The following CMTM3 variants were observed in gnomAD, a reference collection of about 807,000 sequenced individuals.
The protein encoded by CMTM3 is CKLF-like MARVEL transmembrane domain-containing protein 3.
Under a neutral mutation model 18.2 loss-of-function variants are expected in CMTM3, and 7 were observed. The ratio of observed to expected loss-of-function variants is 0.38; its 90% CI spans 0.22 to 0.72. The LOEUF is 0.72. CMTM3 is among the 30% of genes least tolerant of loss of function. The pLI is 0.46. For synonymous variants in CMTM3, 109 were observed against 111.2 expected (o/e 0.98, Z 0.12); for missense variants, 227 against 249.2 (o/e 0.91, Z 0.60).
At position 66,605,813 on chromosome 16, in the gene CMTM3, T is replaced by C. The variant is rs2015129182; in HGVS notation, c.147+861T>C. 6.6e-6 allele frequency among the ~76,000 whole-genome samples: 1 copy of C among 152,162 alleles called. No homozygotes were observed. Among genetic ancestry groups the C allele is most frequent in the Non-Finnish European group, 1.5e-5 (1 of 68,024 alleles). ...GTGGGGGCAGGAGGAAGGGGGATTCTGCTCCGGGACCTCTCCCTGGTCACT... is the reference window on the plus strand; with the variant it reads ...GTGGGGGCAGGAGGAAGGGGGATTCCGCTCCGGGACCTCTCCCTGGTCACT... On this transcript the variant is annotated intron_variant, in intron 1 of 4. Transcript: ENST00000567572. The surrounding 1 kb of genome is among the most constrained non-coding windows in gnomAD (Gnocchi z 4.6).
rs559342374 is a variant in CMTM3 at position 66,607,930 on chromosome 16, G to A, written c.148-379G>A. On this transcript the variant is annotated intron_variant, in intron 1 of 4. Coordinates refer to ENST00000567572, the MANE Select transcript of CMTM3 (RefSeq NM_181553.4). ...CCTGATCACAGCTCACTGCAGCCTC[G>A]ACCTCCCCGGGCTCAGGTGATCCTC... 3.3e-5 allele frequency among the ~76,000 whole-genome samples: 5 copies of A among 151,612 alleles called. No homozygotes were observed. In the East Asian group the frequency reaches 7.8e-4, roughly 24 times the overall value.
At chr16:66,604,596 C>A, upstream of CMTM3, 1 of 337,750 alleles carries the variant, frequency 3.0e-6, no homozygotes, top group Non-Finnish European at 5.0e-6. Flanking sequence ...GGGGGCGGGT[C>A]GGGCCCAGCA....
Position 66,609,746 on chromosome 16 carries a change from C to T in CMTM3, c.400-137C>T. The T allele has an allele frequency of 1.9e-6, 3 of 1,579,464 alleles. No homozygotes were observed. The highest frequency in any genetic ancestry group is 2.6e-6 in the Non-Finnish European group (3 of 1,162,988). On this transcript the variant is annotated intron_variant, in intron 3 of 4. Coordinates refer to ENST00000567572, the MANE Select transcript of CMTM3 (RefSeq NM_181553.4). This position sits in a 1 kb window ranked among gnomAD's most constrained non-coding sequence, Gnocchi z 4.4. ...AAGTTCACAGCTCATTTTCCCACTTCCGTTACTCACAGGGGTCTGTGCCTG... is the reference window on the plus strand; with the variant it reads ...AAGTTCACAGCTCATTTTCCCACTTTCGTTACTCACAGGGGTCTGTGCCTG...
intron 1 of CMTM3, among the ~76,000 whole-genome samples, chr16:66,607,964 G>A (rs896718914): frequency 6.6e-6 from 1 of 151,956 alleles, no homozygotes; most frequent in Non-Finnish European, 1.5e-5. Flanking sequence ...TCCCACCTCA[G>A]CCTCCCAAGT....
intron 1 of CMTM3, among the ~76,000 whole-genome samples, chr16:66,606,271 C>A (rs2015148956): frequency 6.6e-6 from 1 of 152,050 alleles, no homozygotes; most frequent in African/African-American, 2.4e-5. Flanking sequence ...GAGGAAGTGG[C>A]CCCAGAAATC....
chr16:66,604,684 G>A (rs978810189), upstream of CMTM3: 6 of 745,364 alleles, frequency 8.0e-6, no homozygotes, highest in African/African-American at 9.2e-5. Context: ...GGCGGCGGGG[G>A]ATGCGCCCCT....
In CMTM3 at chr16:66,613,059, C is replaced by T; in HGVS notation, c.*422C>T. On this transcript the variant is annotated 3_prime_UTR_variant, in exon 5 of 5. Coordinates refer to ENST00000567572, the MANE Select transcript of CMTM3 (RefSeq NM_181553.4). The stretch of plus-strand genomic sequence containing the variant: ...AGAAACCATGACAGGGCTGCCCCGC[C>T]AGGCCCCGGTGGGTTTGTCTGCACT... The T allele has an allele frequency of 1.4e-6, 1 of 703,052 alleles. No homozygotes were observed. The highest frequency in any genetic ancestry group is 1.5e-5 in the South Asian group (1 of 67,608). The allele number at this position is 703,052 out of a possible 1,614,324, so 43.6% of individuals were successfully genotyped here.
Position 66,604,889 on chromosome 16 carries a change from C to A in CMTM3, c.84C>A (p.Arg28=), listed in dbSNP as rs1230541157. ...CCGGCCCCGCGGTCCCCGGGCTCCG[C>A]GCCCTGCTGCCGGCGCGGGCTTTCC... ...SRPGPAVPGL[R]ALLPARAFLC... The change falls in exon 1 of 5, where the codon CGC becomes CGA. Residue 28 remains arginine, a synonymous_variant. Transcript: ENST00000567572. 7.0e-7 allele frequency: 1 copy of A among 1,437,788 alleles called. No homozygotes were observed. Among genetic ancestry groups the A allele is most frequent in the Non-Finnish European group, 9.1e-7 (1 of 1,100,498 alleles). 89.1% of individuals were successfully genotyped at this position (1,437,788 alleles called of 1,614,324 possible).
rs1285498287 is a variant in CMTM3 at position 66,605,024 on chromosome 16, C to T, written c.147+72C>T. On this transcript the variant is annotated intron_variant, in intron 1 of 4. Coordinates refer to ENST00000567572, the MANE Select transcript of CMTM3 (RefSeq NM_181553.4). The surrounding 1 kb of genome is among the most constrained non-coding windows in gnomAD (Gnocchi z 4.6). ...CCTTTCGGAGGAGGACGTCGGGGCG[C>T]GGGTGGGGTCCGGGGGCGGCCGCCG... 9 of 1,310,842 alleles carry T rather than the reference C, an allele frequency of 6.9e-6. No individual in the cohort carries two copies. In the East Asian group the frequency reaches 9.6e-5, roughly 14 times the overall value. 81.2% of individuals were successfully genotyped at this position (1,310,842 alleles called of 1,614,324 possible).
chr16:66,607,836 T>TG (rs369381876), intron 1 of CMTM3, among the ~76,000 whole-genome samples: 1 of 134,354 alleles, frequency 7.4e-6, no homozygotes, highest in Non-Finnish European at 1.6e-5. Flanking sequence ...CCATGCTGGG[T>TG]TTTTTTTTTT....
chr16:66,607,689 G>C (rs770739913), intron 1 of CMTM3, among the ~76,000 whole-genome samples: 119 of 152,218 alleles, frequency 7.8e-4, no homozygotes, highest in Non-Finnish European at 1.5e-3. Context: ...ATTTCCCTCC[G>C]CAGGGCACTG....
chr16:66,604,802 C>T lies in CMTM3; in HGVS notation c.-4C>T. The T allele has an allele frequency of 1.6e-6, 2 of 1,250,458 alleles. No homozygotes were observed. The highest frequency in any genetic ancestry group is 3.3e-5 in the South Asian group (1 of 29,992). The allele number at this position is 1,250,458 out of a possible 1,614,324, so 77.5% of individuals were successfully genotyped here. On this transcript the variant is annotated 5_prime_UTR_variant, in exon 1 of 5. Transcript: ENST00000567572. ...CGAGCCCCGGCCCTACCGCCGCCGCCGCCATGTGGCCCCCAGACCCCGACC... is the reference window on the plus strand; with the variant it reads ...CGAGCCCCGGCCCTACCGCCGCCGCTGCCATGTGGCCCCCAGACCCCGACC...
In CMTM3 at chr16:66,613,453, G is replaced by C; in HGVS notation, c.*816G>C. On this transcript the variant is annotated 3_prime_UTR_variant, in exon 5 of 5. Coordinates refer to ENST00000567572, the MANE Select transcript of CMTM3 (RefSeq NM_181553.4). ...GCAGGCAGGAGTTCCTGGACCCTCA[G>C]GACAGTGAACTTCCAGACCTCAGGG... is the stretch of plus-strand genomic sequence containing the variant. 6.3e-6 allele frequency: 2 copies of C among 316,850 alleles called. No homozygotes were observed. The highest frequency in any genetic ancestry group is 1.2e-4 in the South Asian group (2 of 16,386). 19.6% of individuals were successfully genotyped at this position (316,850 alleles called of 1,614,324 possible).
chr16:66,613,391 G>A lies in CMTM3; in HGVS notation c.*754G>A. 1 of 429,074 alleles carries A rather than the reference G, an allele frequency of 2.3e-6. No homozygotes were observed. The highest frequency in any genetic ancestry group is 4.2e-6 in the Non-Finnish European group (1 of 237,258). 26.6% of individuals were successfully genotyped at this position (429,074 alleles called of 1,614,324 possible). Reference sequence around the variant, plus strand: ...GACAGTGTCATGGGGAGCTGGGCGGGCCCAGCCAAACCCTCCTTCTTCCTA... The same window carrying A: ...GACAGTGTCATGGGGAGCTGGGCGGACCCAGCCAAACCCTCCTTCTTCCTA... On this transcript the variant is annotated 3_prime_UTR_variant, in exon 5 of 5. Coordinates refer to ENST00000567572, the MANE Select transcript of CMTM3 (RefSeq NM_181553.4).
rs1028575283 is a variant in CMTM3 at position 66,612,299 on chromosome 16, G to A, written c.521-310G>A. Among the ~76,000 whole-genome samples the A allele has an allele frequency of 3.3e-5, 5 of 152,094 alleles. No individual in the cohort carries two copies. Among genetic ancestry groups the A allele is most frequent in the African/African-American group, 7.2e-5 (3 of 41,430 alleles). ...CACACGCTTATAATCCCAGCTACTC[G>A]GGAGGGAGGAAGTTGCAGTGAGTCG... On this transcript the variant is annotated intron_variant, in intron 4 of 4. Transcript: ENST00000567572. The surrounding 1 kb of genome is among the most constrained non-coding windows in gnomAD (Gnocchi z 6.0).
rs754316298 is a variant in CMTM3, at chr16:66,608,681, G to A, written c.303+217G>A. On this transcript the variant is annotated intron_variant, in intron 2 of 4. Coordinates refer to ENST00000567572, the MANE Select transcript of CMTM3 (RefSeq NM_181553.4). This position sits in a 1 kb window ranked among gnomAD's most constrained non-coding sequence, Gnocchi z 5.1. Reference sequence around the variant, plus strand: ...GCTGTGGTGCCTCTAGAGCAGGTCTGTGAGGCAGGGAACCCGGAGAGGGGT... The same window carrying A: ...GCTGTGGTGCCTCTAGAGCAGGTCTATGAGGCAGGGAACCCGGAGAGGGGT... 6.6e-6 allele frequency among the ~76,000 whole-genome samples: 1 copy of A among 152,222 alleles called. No homozygotes were observed. Among genetic ancestry groups the A allele is most frequent in the African/African-American group, 2.4e-5 (1 of 41,456 alleles).
Position 66,612,649 on chromosome 16 carries a change from G to C in CMTM3, c.*12G>C. 1 of 1,613,790 alleles carries C rather than the reference G, an allele frequency of 6.2e-7. No homozygotes were observed. The highest frequency in any genetic ancestry group is 8.5e-7 in the Non-Finnish European group (1 of 1,179,870). Reference sequence around the variant, plus strand: ...CGGACTCTGACTGAAGGCCTGGCGGGTGCCTTGGCAACCTGAGCCACACAG... The same window carrying C: ...CGGACTCTGACTGAAGGCCTGGCGGCTGCCTTGGCAACCTGAGCCACACAG... On this transcript the variant is annotated 3_prime_UTR_variant, in exon 5 of 5. Coordinates refer to ENST00000567572, the MANE Select transcript of CMTM3 (RefSeq NM_181553.4). This position sits in a 1 kb window ranked among gnomAD's most constrained non-coding sequence, Gnocchi z 6.0.
chr16:66,607,938 C>T (rs890620530), intron 1 of CMTM3, among the ~76,000 whole-genome samples: 9 of 151,904 alleles, frequency 5.9e-5, no homozygotes, highest in Non-Finnish European at 5.9e-5. Context: ...TCGACCTCCC[C>T]GGGCTCAGGT....
chr16:66,610,190 C>A lies in CMTM3; in HGVS notation c.520+187C>A. 1.4e-6 allele frequency: 1 copy of A among 702,318 alleles called. No individual in the cohort carries two copies. The highest frequency in any genetic ancestry group is 2.3e-6 in the Non-Finnish European group (1 of 429,186). The allele number at this position is 702,318 out of a possible 1,614,324, so 43.5% of individuals were successfully genotyped here. A position where few individuals can be genotyped will look rare whatever the true frequency, so the allele number is the denominator to read the frequency against. ...CAAAGCCAGTCCCATTCGCCTCGTGCACCCTCACCCCAGCCTTTCTAGGAG... is the reference window on the plus strand; with the variant it reads ...CAAAGCCAGTCCCATTCGCCTCGTGAACCCTCACCCCAGCCTTTCTAGGAG... On this transcript the variant is annotated intron_variant, in intron 4 of 4. Coordinates refer to ENST00000567572, the MANE Select transcript of CMTM3 (RefSeq NM_181553.4). The surrounding 1 kb of genome is among the most constrained non-coding windows in gnomAD (Gnocchi z 4.6).
Sources: gnomAD v4.1 joint callset for allele counts (sites outside exome capture counted in the v4.1 genomes callset) on GRCh38, gnomAD v4.1.1 for gene constraint, Gnocchi (gnomAD v3.1) non-coding constraint, MANE v1.5 for transcripts, NCBI Gene and HGNC (gene_info 2026-07-23, HGNC 2026-07-21) for gene names.